The following ZFHX3 variants were observed in gnomAD, a reference collection of about 807,000 sequenced individuals.
The protein encoded by ZFHX3 is zinc finger homeobox protein 3.
A neutral mutation model predicts 279.1 loss-of-function variants in ZFHX3; 42 were observed. That is an observed-to-expected ratio of 0.15 (90% CI 0.12 to 0.19). The LOEUF (loss-of-function observed/expected upper bound fraction) is 0.19. Ranked by LOEUF, ZFHX3 falls within the 10% of genes least tolerant of loss-of-function variation. ZFHX3 has a pLI of 1.00. For missense variants in ZFHX3, 4,981 were observed against 4,754.0 expected (o/e 1.05, Z -1.40); for synonymous variants, 2,293 against 1,957.8 (o/e 1.17, Z -4.52).
rs140604781 is a variant in ZFHX3, at chr16:73,267,789, T to C, written c.-1193-10653A>G. The stretch of plus-strand genomic sequence containing the variant: ...CAAAGACTCAGCATTGCTGTTTCCA[T>C]TCATCTTTAAGATGATACGCAAATT... On this transcript the variant is annotated intron_variant, in intron 4 of 17. Coordinates refer to the ZFHX3 transcript ENST00000641206. Among the ~76,000 whole-genome samples, 671 of 152,318 alleles carry C rather than the reference T, an allele frequency of 4.4e-3. 7 individuals are homozygous for C. Among genetic ancestry groups the C allele is most frequent in the Non-Finnish European group, 6.7e-3 (458 of 68,030 alleles).
intron 5 of ZFHX3, among the ~76,000 whole-genome samples, chr16:73,256,705 A>G (rs28620717): frequency 0.018 from 2,671 of 152,234 alleles, 94 homozygotes; most frequent in African/African-American, 0.062. Context: ...TGAATTTCTT[A>G]TTTTGCAGAT....
At chr16:72,982,054 T>C (rs1375591797) in intron 1 of ZFHX3, among the ~76,000 whole-genome samples, 2 of 152,122 alleles carry the variant, frequency 1.3e-5, no homozygotes, top group South Asian at 2.1e-4. Flanking sequence ...GGCTAATTTC[T>C]GTATTTTTAG....
At chr16:73,164,512 C>T (rs1339565990) in intron 5 of ZFHX3, among the ~76,000 whole-genome samples, 1 of 152,050 alleles carries the variant, frequency 6.6e-6, no homozygotes, top group African/African-American at 2.4e-5. Context: ...CCAGCCTGAC[C>T]AACATGGGGA....
chr16:73,576,171 A>G (rs2051797463), intron 2 of ZFHX3, among the ~76,000 whole-genome samples: 3 of 152,150 alleles, frequency 2.0e-5, no homozygotes, highest in Admixed American at 1.3e-4. Flanking sequence ...TTAAAAAACA[A>G]TCCCCATTTA....
intron 5 of ZFHX3, among the ~76,000 whole-genome samples, chr16:73,176,590 T>C (rs919223198): frequency 6.6e-6 from 1 of 151,194 alleles, no homozygotes; most frequent in Non-Finnish European, 1.5e-5. Flanking sequence ...TATTGATTGA[T>C]AGCCTTCTTC....
intron 1 of ZFHX3, among the ~76,000 whole-genome samples, chr16:73,821,190 T>C (rs1025888888): frequency 1.3e-5 from 2 of 152,204 alleles, no homozygotes; most frequent in Non-Finnish European, 2.9e-5. Context: ...TGTAAAATGT[T>C]ATACTCAGGG....
chr16:72,852,509 A>G (rs1263626661), intron 4 of ZFHX3, among the ~76,000 whole-genome samples: 1 of 152,218 alleles, frequency 6.6e-6, no homozygotes, highest in Non-Finnish European at 1.5e-5. Flanking sequence ...TTGACTGGCT[A>G]TTACTACTAC....
At chr16:73,501,138 A>C (rs1435816846) in intron 2 of ZFHX3, among the ~76,000 whole-genome samples, 11 of 152,236 alleles carry the variant, frequency 7.2e-5, no homozygotes, top group Admixed American at 7.2e-4. Context: ...ATAAATGCCT[A>C]TAGTATTCAC....
At chr16:73,105,360 T>A (rs1277567538) in intron 7 of ZFHX3, among the ~76,000 whole-genome samples, 1 of 69,728 alleles carries the variant, frequency 1.4e-5, no homozygotes, top group Non-Finnish European at 3.0e-5. Flanking sequence ...TATACACATA[T>A]ATATACACAC....
At chr16:73,739,390 T>A (rs1385496844) in intron 1 of ZFHX3, among the ~76,000 whole-genome samples, 10 of 152,082 alleles carry the variant, frequency 6.6e-5, no homozygotes, top group Admixed American at 6.6e-4. Flanking sequence ...GCATTACGAG[T>A]TATTTAGCAG....
At chr16:73,612,969 A>G (rs1357090864) in intron 2 of ZFHX3, among the ~76,000 whole-genome samples, 1 of 152,214 alleles carries the variant, frequency 6.6e-6, no homozygotes, top group Non-Finnish European at 1.5e-5. Flanking sequence ...AGCTCCATAT[A>G]CTTTATTATT....
At chr16:73,738,317 G>A (rs975688605) in intron 1 of ZFHX3, among the ~76,000 whole-genome samples, 6 of 152,182 alleles carry the variant, frequency 3.9e-5, no homozygotes, top group African/African-American at 1.4e-4. Context: ...AGCTTAGAGA[G>A]GGGCAGGAGC....
intron 2 of ZFHX3, among the ~76,000 whole-genome samples, chr16:73,652,025 A>G (rs1458532896): frequency 6.6e-6 from 1 of 152,226 alleles, no homozygotes; most frequent in East Asian, 1.9e-4. Flanking sequence ...AACCCTCTAC[A>G]CAGGGACAGG....
intron 2 of ZFHX3, among the ~76,000 whole-genome samples, chr16:73,530,569 G>A (rs1417215295): frequency 2.6e-5 from 4 of 152,066 alleles, no homozygotes; most frequent in African/African-American, 9.7e-5. Context: ...CCAAAATGAT[G>A]CCAAAGGGGT....
intron 3 of ZFHX3, among the ~76,000 whole-genome samples, chr16:72,927,360 C>G (rs376013857): frequency 1.3e-5 from 2 of 152,252 alleles, no homozygotes; most frequent in East Asian, 1.9e-4. Context: ...ACAATCCTCC[C>G]GATTCATTCT....
At chr16:73,785,922 G>A (rs925492282) in intron 1 of ZFHX3, among the ~76,000 whole-genome samples, 1 of 151,902 alleles carries the variant, frequency 6.6e-6, no homozygotes, top group South Asian at 2.1e-4. Flanking sequence ...CCAGGCTGGA[G>A]TGCAATGGTG....
chr16:73,681,562 G>A (rs1005870658), intron 1 of ZFHX3, among the ~76,000 whole-genome samples: 1 of 152,116 alleles, frequency 6.6e-6, no homozygotes, highest in African/African-American at 2.4e-5. Context: ...TTGGGCTTCT[G>A]GTTAGCGTTT....
chr16:73,387,086 A>C (rs2016915843), intron 3 of ZFHX3: 1 of 152,210 alleles, frequency 6.6e-6, no homozygotes, highest in Admixed American at 6.5e-5. Context: ...GACTCAGTAC[A>C]TCCCTGGCAC....
At chr16:73,005,940 T>C (rs770838837) in intron 1 of ZFHX3, 13 of 152,246 alleles carry the variant, frequency 8.5e-5, no homozygotes, top group Non-Finnish European at 1.5e-4. Context: ...GTGATCTCTA[T>C]ATTTTCTAAC....
Sources: gnomAD v4.1 joint callset for allele counts (sites outside exome capture counted in the v4.1 genomes callset) on GRCh38, gnomAD v4.1.1 for gene constraint, MANE v1.5 for transcripts, NCBI Gene and HGNC (gene_info 2026-07-23, HGNC 2026-07-21) for gene names.